Variants in TPM1 observed in about 807,000 individuals in gnomAD.
TPM1 encodes the protein tropomyosin 1, also known as tropomyosin alpha-1 chain.
TPM1 carries 24 observed loss-of-function variants against 42.9 expected under a neutral mutation model. That is an observed-to-expected ratio of 0.56 (90% CI 0.41 to 0.79). TPM1 has a LOEUF of 0.79. TPM1 is among the 30% of genes least tolerant of loss of function. The pLI, the probability that TPM1 is intolerant of heterozygous loss-of-function variation, is 0.00. For missense variants in TPM1, 158 were observed against 351.8 expected, an observed-to-expected ratio of 0.45 and a Z score of 4.41; for synonymous variants, 136 against 130.1, an observed-to-expected ratio of 1.05 and a Z score of -0.31.
chr15:63,056,765 ATAGAT>A, intron 2 of TPM1: 1 of 622,658 alleles, frequency 1.6e-6, no homozygotes, highest in East Asian at 2.8e-5. Context: ...AATTGTGTGT[ATAGAT>A]TTGTGTATAC....
At chr15:63,064,219 G>A (rs2036017895) in intron 9 of TPM1, 77 bp downstream of exon 9, 1 of 1,565,982 alleles carries the variant, frequency 6.4e-7, no homozygotes, top group Admixed American at 1.9e-5. Flanking sequence ...TGCCTTCCTT[G>A]CTCCCTAATC....
At chr15:63,063,235 AG>A (rs1290631304) in intron 8 of TPM1, 9 of 985,338 alleles carry the variant, frequency 9.1e-6, no homozygotes, top group Non-Finnish European at 1.1e-5. Flanking sequence ...AAGCTTGTGA[AG>A]GATTAGCTGT....
downstream of TPM1, among the ~76,000 whole-genome samples, chr15:63,066,442 A>T (rs1298104890): frequency 6.6e-6 from 1 of 152,170 alleles, no homozygotes; most frequent in Admixed American, 6.5e-5. Context: ...GTCTGGCTTG[A>T]TCAGTGTCTT....
chr15:63,043,238 A>T (rs1295478945), intron 1 of TPM1: 15 of 514,862 alleles, frequency 2.9e-5, no homozygotes, highest in Non-Finnish European at 5.4e-5. Flanking sequence ...GGGAGGGAGG[A>T]GGACACCCGG....
intron 3 of TPM1, among the ~76,000 whole-genome samples, chr15:63,058,426 G>A (rs2035116289): frequency 6.6e-6 from 1 of 152,194 alleles, no homozygotes; most frequent in Admixed American, 6.5e-5. Flanking sequence ...AAGATAGTGG[G>A]CCAGATGTGG....
In TPM1 at chr15:63,064,305, A is replaced by G. The variant is rs540874644; in HGVS notation, c.851+163A>G. On this transcript the variant is annotated intron_variant, in intron 9 of 9. Coordinates refer to ENST00000403994, the MANE Select transcript of TPM1 (RefSeq NM_001018005.2). ...CATTGTTTTTTCACTTTCTGCTAAT[A>G]TAAAGGCCAATTAGATTAAGTCTGT... The G allele has an allele frequency of 7.9e-6, 12 of 1,516,508 alleles. No homozygotes were observed. The African/African-American group carries it at 1.5e-4, about 19-fold the overall frequency. The allele number at this position is 1,516,508 out of a possible 1,614,324, so 93.9% of individuals were successfully genotyped here. A position where few individuals can be genotyped will look rare whatever the true frequency, so the allele number is the denominator to read the frequency against.
chr15:63,042,856 G>C lies in TPM1; in HGVS notation c.27G>C (p.Gln9His). 1 of 1,613,394 alleles carries C rather than the reference G, an allele frequency of 6.2e-7. No individual in the cohort carries two copies. Among genetic ancestry groups the C allele is most frequent in the Non-Finnish European group, 8.5e-7 (1 of 1,179,486 alleles). ...TGGACGCCATCAAGAAGAAGATGCA[G>C]ATGCTGAAGCTCGACAAGGAGAACG... MDAIKKKM[Q>H]MLKLDKENAL... The change falls in exon 1 of 10, where the codon CAG becomes CAC. Residue 9 changes from glutamine to histidine, a missense_variant. Around this residue, in one of 4 missense-constraint regions of TPM1, gnomAD observed 5 missense variants for 20.4 expected, o/e 0.25. Coordinates refer to ENST00000403994, the MANE Select transcript of TPM1 (RefSeq NM_001018005.2).
intron 2 of TPM1, chr15:63,048,661 G>C (rs1451037358): frequency 6.5e-7 from 1 of 1,538,936 alleles, no homozygotes; most frequent in East Asian, 2.5e-5. Flanking sequence ...GAGCGCGCGG[G>C]CACCCTGCAG....
intron 1 of TPM1, 86 bp downstream of exon 1, chr15:63,043,029 T>C: frequency 8.0e-7 from 1 of 1,255,070 alleles, no homozygotes; most frequent in Non-Finnish European, 1.1e-6. Flanking sequence ...CCCCGAGGAC[T>C]CGGGGAGCCA....
intron 8 of TPM1, chr15:63,063,680 C>T (rs752841490): frequency 1.7e-4 from 37 of 216,056 alleles, no homozygotes; most frequent in Non-Finnish European, 2.8e-4. Context: ...TGCCTGACTA[C>T]TCCAGTGTAA....
intron 1 of TPM1, chr15:63,043,369 G>C (rs952148488): frequency 6.9e-6 from 4 of 576,120 alleles, no homozygotes; most frequent in Non-Finnish European, 1.3e-5. Context: ...GGAGGAGAAG[G>C]GAGTCCTGGA....
intron 2 of TPM1, chr15:63,048,568 C>T (rs1345106309): frequency 1.3e-6 from 2 of 1,524,274 alleles, no homozygotes; most frequent in Admixed American, 2.0e-5. Flanking sequence ...CGCCTACCGT[C>T]CGGCGCGATG....
chr15:63,063,879 T>G, intron 8 of TPM1, 185 bp from the exon 9 acceptor site: 1 of 709,984 alleles, frequency 1.4e-6, no homozygotes, highest in Non-Finnish European at 2.2e-6. Context: ...TTGTTTTTGT[T>G]TCAATTTACT....
chr15:63,050,331 G>T (rs1566947085), intron 2 of TPM1, among the ~76,000 whole-genome samples: 1 of 152,170 alleles, frequency 6.6e-6, no homozygotes, highest in Non-Finnish European at 1.5e-5. Flanking sequence ...AGAGGAAGTG[G>T]GCGGGCTGGT....
chr15:63,051,896 T>A (rs1210489373), intron 2 of TPM1, among the ~76,000 whole-genome samples: 1 of 146,216 alleles, frequency 6.8e-6, no homozygotes, highest in African/African-American at 2.6e-5. Flanking sequence ...AAAAGTTGTT[T>A]TTTTTTTTTT....
chr15:63,069,842 CTGCTAACCTGCT>C (rs1566976145), downstream of TPM1: 1 of 1,613,894 alleles, frequency 6.2e-7, no homozygotes, highest in Non-Finnish European at 8.5e-7. Context: ...TGCCTCTTTT[CTGCTAACCTGCT>C]TGCTGACCTG....
At chr15:63,071,094 A>G (rs781552036), downstream of TPM1, 1 of 1,614,146 alleles carries the variant, frequency 6.2e-7, no homozygotes, top group Admixed American at 1.7e-5. Flanking sequence ...CCACAGAGAA[A>G]GTGGCTCATG....
At chr15:63,053,080 T>G (rs1325716572) in intron 2 of TPM1, among the ~76,000 whole-genome samples, 2 of 152,334 alleles carry the variant, frequency 1.3e-5, no homozygotes, top group East Asian at 3.9e-4. Flanking sequence ...CTCTGAAACC[T>G]CTGGGGCAGT....
At chr15:63,061,366 A>G (rs150837663) in intron 5 of TPM1, 7 of 1,128,230 alleles carry the variant, frequency 6.2e-6, no homozygotes, top group Non-Finnish European at 9.4e-6. Flanking sequence ...TAACGACTGC[A>G]CCTTCACTTC....
Sources: gnomAD v4.1 joint callset for allele counts (sites outside exome capture counted in the v4.1 genomes callset) on GRCh38, gnomAD v4.1.1 for gene constraint, gnomAD v4.1.1 regional missense constraint, MANE v1.5 for transcripts, NCBI Gene and HGNC (gene_info 2026-07-23, HGNC 2026-07-21) for gene names.